The following PSMF1 variants were observed in gnomAD, a reference collection of about 807,000 sequenced individuals.
PSMF1 encodes proteasome inhibitor subunit 1.
PSMF1 carries 30 observed loss-of-function variants against 29.3 expected under a neutral mutation model. The ratio of observed to expected loss-of-function variants is 1.02; its 90% CI spans 0.77 to 1.39. The LOEUF (loss-of-function observed/expected upper bound fraction) is 1.39, where lower values mean the gene tolerates loss of function less well. Ranked by LOEUF, PSMF1 falls within the 40% of genes most tolerant of loss-of-function variation. The pLI, the probability that PSMF1 is intolerant of heterozygous loss-of-function variation, is 0.00. For synonymous variants in PSMF1, 134 were observed against 139.7 expected, an observed-to-expected ratio of 0.96 and a Z score of 0.29; for missense variants, 344 against 357.5, an observed-to-expected ratio of 0.96 and a Z score of 0.31.
intron 3 of PSMF1, among the ~76,000 whole-genome samples, chr20:1,132,716 A>C (rs59406659): frequency 0.022 from 3,319 of 152,270 alleles, 130 homozygotes; most frequent in African/African-American, 0.076. Flanking sequence ...GATATATCTT[A>C]TCTCTCCATT....
rs781752606 is a variant in PSMF1 at position 1,163,130 on chromosome 20, G to A, written c.552G>A (p.Trp184Ter). ...AGTAATTGTCTCTTGTTTGTTTCAGGTGTGATCCCCTGGGCCCGTTTGTTG... is the reference window on the plus strand; with the variant it reads ...AGTAATTGTCTCTTGTTTGTTTCAGATGTGATCCCCTGGGCCCGTTTGTTG... Reference protein sequence around the residue: ...HHPHTSRQPPWCDPLGPFVVG... With the variant: ...HHPHTSRQPP Residue 184 changes from tryptophan (W) to a stop codon, truncating the protein, a stop_gained and splice_region_variant, in exon 5 of 7, where the codon TGG (tryptophan) becomes TGA (stop). Transcript: ENST00000335877. LOFTEE classifies it high-confidence loss of function. The surrounding 1 kb of genome is among the most constrained non-coding windows in gnomAD (Gnocchi z 6.1). The A allele has an allele frequency of 6.2e-7, 1 of 1,613,992 alleles. No homozygotes were observed. The highest frequency in any genetic ancestry group is 1.3e-5 in the African/African-American group (1 of 74,916).
Position 1,125,651 on chromosome 20 carries a change from GT to G in PSMF1, c.282+2del. ...GAGCAGCATGATCCTCAATGTGCTG[GT>G]GAGTCTCTGGGACACGTGAGTCTGC... On this transcript the variant is annotated splice_donor_variant, in intron 2 of 6. Transcript: ENST00000335877. LOFTEE classifies it high-confidence loss of function. The G allele has an allele frequency of 6.2e-7, 1 of 1,610,012 alleles. No individual in the cohort carries two copies. Among genetic ancestry groups the G allele is most frequent in the Non-Finnish European group, 8.5e-7 (1 of 1,178,080 alleles).
upstream of PSMF1, among the ~76,000 whole-genome samples, chr20:1,113,703 G>A (rs6077779): frequency 9.9e-5 from 15 of 151,318 alleles, no homozygotes; most frequent in Non-Finnish European, 2.9e-5. Flanking sequence ...TTGTTTTTTG[G>A]TTTTTTTGAG....
At chr20:1,121,619 G>C (rs1372203937) in intron 1 of PSMF1, among the ~76,000 whole-genome samples, 1 of 152,154 alleles carries the variant, frequency 6.6e-6, no homozygotes, top group Non-Finnish European at 1.5e-5. Context: ...GCCATCTGCT[G>C]TTTCCACCCT....
chr20:1,129,445 C>T (rs1389241416), intron 3 of PSMF1, among the ~76,000 whole-genome samples: 1 of 152,220 alleles, frequency 6.6e-6, no homozygotes, highest in African/African-American at 2.4e-5. Context: ...TTTCAAACCA[C>T]TGGCCTCCAC....
In PSMF1 at chr20:1,164,307, T is replaced by C; in HGVS notation, c.606-11T>C. On this transcript the variant is annotated splice_polypyrimidine_tract_variant and intron_variant, in intron 5 of 6. Coordinates refer to ENST00000335877, the MANE Select transcript of PSMF1 (RefSeq NM_006814.5). This position sits in a 1 kb window ranked among gnomAD's most constrained non-coding sequence, Gnocchi z 4.1. ...CCACACCTGCTTACCTAACTTTTCT[T>C]CTTGCCTCAGGCCTCGGAGAGGTGG... 6.2e-7 allele frequency: 1 copy of C among 1,611,936 alleles called. No individual in the cohort carries two copies. The highest frequency in any genetic ancestry group is 1.3e-5 in the African/African-American group (1 of 74,976).
chr20:1,120,530 T>G (rs1214532154), intron 1 of PSMF1, among the ~76,000 whole-genome samples: 2 of 152,142 alleles, frequency 1.3e-5, no homozygotes, highest in Non-Finnish European at 2.9e-5. Flanking sequence ...CAATGCATAG[T>G]TCCCCTAACA....
At chr20:1,116,772 T>G (rs2086015170), upstream of PSMF1, among the ~76,000 whole-genome samples, 1 of 151,520 alleles carries the variant, frequency 6.6e-6, no homozygotes, top group African/African-American at 2.4e-5. Context: ...ATTAATGCTT[T>G]GCAGGAAAAA....
rs774645962 is a variant in PSMF1, at chr20:1,171,588, T to C, written c.*6508T>C. Among the ~76,000 whole-genome samples the C allele has an allele frequency of 3.2e-4, 48 of 152,162 alleles. No homozygotes were observed. In the Middle Eastern group the frequency reaches 0.01, roughly 32 times the overall value. ...CATGGAGGTCCCTGAGTGACAAAAA[T>C]ATGCAGGACCCCTTCTTTCCCCCTC... On this transcript the variant is annotated 3_prime_UTR_variant, in exon 7 of 7. Transcript: ENST00000335877.
At chr20:1,161,738 A>C in intron 4 of PSMF1, 1 of 518,476 alleles carries the variant, frequency 1.9e-6, no homozygotes, top group Non-Finnish European at 3.6e-6. Context: ...TGCATAGGAT[A>C]ATTCACACGT....
At chr20:1,153,413 C>T (rs6134042) in intron 4 of PSMF1, among the ~76,000 whole-genome samples, 29,362 of 152,026 alleles carry the variant, frequency 0.19, 3,671 homozygotes, top group East Asian at 0.51. Flanking sequence ...TGTCTGCCAC[C>T]TCTTCAAAGC....
At chr20:1,145,206 T>A (rs913590326) in intron 4 of PSMF1, among the ~76,000 whole-genome samples, 4 of 152,210 alleles carry the variant, frequency 2.6e-5, no homozygotes, top group African/African-American at 9.6e-5. Flanking sequence ...CTTTAATTAT[T>A]TAACAATAAA....
intron 4 of PSMF1, among the ~76,000 whole-genome samples, chr20:1,135,669 T>C (rs2086297141): frequency 6.6e-6 from 1 of 152,206 alleles, no homozygotes; most frequent in Non-Finnish European, 1.5e-5. Flanking sequence ...GACAGGGCCC[T>C]GGGCCAGTCT....
At chr20:1,119,512 G>A (rs990786994) in intron 1 of PSMF1, among the ~76,000 whole-genome samples, 20 of 152,206 alleles carry the variant, frequency 1.3e-4, no homozygotes, top group African/African-American at 4.3e-4. Context: ...CAAGCTCTAG[G>A]AAGCAATCAC....
chr20:1,141,678 C>T (rs754459439), intron 4 of PSMF1, among the ~76,000 whole-genome samples: 39 of 151,968 alleles, frequency 2.6e-4, no homozygotes, highest in Non-Finnish European at 5.1e-4. Context: ...TTAGCCCGCA[C>T]ATTAAAACAA....
intron 3 of PSMF1, among the ~76,000 whole-genome samples, chr20:1,132,738 A>C (rs2086246469): frequency 6.6e-6 from 1 of 152,134 alleles, no homozygotes; most frequent in Non-Finnish European, 1.5e-5. Context: ...ATTAATATTT[A>C]GGTTTTATTT....
intron 4 of PSMF1, among the ~76,000 whole-genome samples, chr20:1,137,440 A>G (rs995757678): frequency 2.0e-5 from 3 of 152,228 alleles, no homozygotes; most frequent in Non-Finnish European, 4.4e-5. Context: ...ACTGTTTTCT[A>G]ATATTATGCA....
At chr20:1,135,939 T>C (rs1428108256) in intron 4 of PSMF1, among the ~76,000 whole-genome samples, 1 of 152,162 alleles carries the variant, frequency 6.6e-6, no homozygotes. Context: ...ACTTCTCAGT[T>C]TGGAGCCCGT....
chr20:1,118,744 T>C lies in PSMF1; in HGVS notation c.-30T>C. The C allele has an allele frequency of 6.2e-7, 1 of 1,604,398 alleles. No homozygotes were observed. The highest frequency in any genetic ancestry group is 8.5e-7 in the Non-Finnish European group (1 of 1,174,440). On this transcript the variant is annotated 5_prime_UTR_variant, in exon 1 of 7. Coordinates refer to ENST00000335877, the MANE Select transcript of PSMF1 (RefSeq NM_006814.5). Reference sequence around the variant, plus strand: ...CACTGCACTACCCCCGCCCCCTTCTTTCCTCCAGACGCCGAAGTCGCGGGC... The same window carrying C: ...CACTGCACTACCCCCGCCCCCTTCTCTCCTCCAGACGCCGAAGTCGCGGGC...
Sources: gnomAD v4.1 joint callset for allele counts (sites outside exome capture counted in the v4.1 genomes callset) on GRCh38, gnomAD v4.1.1 for gene constraint, Gnocchi (gnomAD v3.1) non-coding constraint, MANE v1.5 for transcripts, NCBI Gene and HGNC (gene_info 2026-07-23, HGNC 2026-07-21) for gene names.